DUOXA1: variants seen among roughly 807,000 people sequenced by gnomAD.
DUOXA1 encodes dual oxidase activator 1.
A neutral mutation model predicts 26.6 loss-of-function variants in DUOXA1; 19 were observed. That is an observed-to-expected ratio of 0.71 (90% CI 0.50 to 1.05). The LOEUF (loss-of-function observed/expected upper bound fraction) is 1.05, where lower values mean the gene tolerates loss of function less well. DUOXA1 is among the 50% of genes least tolerant of loss of function. DUOXA1 has a pLI of 0.00. For synonymous variants in DUOXA1, 166 were observed against 177.0 expected (o/e 0.94, Z 0.49); for missense variants, 403 against 427.5 (o/e 0.94, Z 0.51).
intron 3 of DUOXA1, among the ~76,000 whole-genome samples, chr15:45,128,381 T>C (rs1895856798): frequency 6.6e-6 from 1 of 152,186 alleles, no homozygotes; most frequent in South Asian, 2.1e-4. Context: ...CCACTAATTC[T>C]CCACAAGTGG....
In DUOXA1 at chr15:45,123,030, CA is replaced by C. The variant is rs772743108; in HGVS notation, c.-17del. On this transcript the variant is annotated 5_prime_UTR_variant, in exon 4 of 9. Transcript: ENST00000560572. The stretch of plus-strand genomic sequence containing the variant: ...AAGTAGCCATCTTGGTGAGGTGGTG[CA>C]GGGGGGGCAATGCTGTACAACAACA... 5.1e-5 allele frequency: 81 copies of C among 1,602,376 alleles called. No individual in the cohort carries two copies. Among genetic ancestry groups the C allele is most frequent in the Middle Eastern group, 1.7e-4 (1 of 5,938 alleles).
chr15:45,119,999 C>T, intron 8 of DUOXA1, 104 bp downstream of exon 8: 11 of 1,361,324 alleles, frequency 8.1e-6, no homozygotes, highest in Non-Finnish European at 1.1e-5. Flanking sequence ...CAAAGCCATC[C>T]TGGCCTCCAG....
intron 6 of DUOXA1, 101 bp downstream of exon 6, chr15:45,120,986 G>T (rs1566991456): frequency 6.4e-7 from 1 of 1,566,340 alleles, no homozygotes. Context: ...CATCCTCCCA[G>T]CCCCTGTGCC....
intron 8 of DUOXA1, 53 bp from the exon 9 acceptor site, chr15:45,119,418 G>T: frequency 6.5e-7 from 1 of 1,532,796 alleles, no homozygotes; most frequent in South Asian, 1.2e-5. Flanking sequence ...CACCTGCCGA[G>T]GATATCTTCC....
In DUOXA1 at chr15:45,129,231, C is replaced by T. The variant is rs894478576; in HGVS notation, c.-146-97G>A. On this transcript the variant is annotated intron_variant, in intron 2 of 8. Coordinates refer to ENST00000560572, the MANE Select transcript of DUOXA1 (RefSeq NM_001276266.2). This position sits in a 1 kb window ranked among gnomAD's most constrained non-coding sequence, Gnocchi z 4.1. ...AAGGACCCGGCTGTGACCGGACAAA[C>T]CGGGTCTGGGGTGCTTCCAGTCACT... is the stretch of plus-strand genomic sequence containing the variant. 1 of 152,256 alleles carries T rather than the reference C, an allele frequency of 6.6e-6. No homozygotes were observed. Among genetic ancestry groups the T allele is most frequent in the African/African-American group, 2.4e-5 (1 of 41,448 alleles). 9.4% of individuals were successfully genotyped at this position (152,256 alleles called of 1,614,324 possible).
intron 6 of DUOXA1, 130 bp from the exon 7 acceptor site, chr15:45,120,935 G>T (rs1895138193): frequency 6.7e-7 from 1 of 1,502,890 alleles, no homozygotes; most frequent in South Asian, 1.2e-5. Context: ...CCAAGGCCCT[G>T]AATTTCCCTT....
At position 45,122,196 on chromosome 15, in the gene DUOXA1, GC is replaced by G; in HGVS notation, c.193del (p.Ala65LeufsTer6). 1.9e-6 allele frequency: 3 copies of G among 1,603,774 alleles called. No homozygotes were observed. The highest frequency in any genetic ancestry group is 2.6e-6 in the Non-Finnish European group (3 of 1,175,102). On this transcript the variant is annotated frameshift_variant, in exon 5 of 9. Coordinates refer to ENST00000560572, the MANE Select transcript of DUOXA1 (RefSeq NM_001276266.2). LOFTEE classifies it high-confidence loss of function. Reference protein sequence around the residue: ...LRVVTSLFIGAAILAVNFSSE... With the variant: ...LRVVTSLFIGXAILAVNFSSE... Reference sequence around the variant, plus strand: ...CACTTCGCACTCACCCAGGATTGCAGCCCCGATGAATAAGCTGGTCACCACC... The same window carrying G: ...CACTTCGCACTCACCCAGGATTGCAGCCCGATGAATAAGCTGGTCACCACC...
chr15:45,117,937 G>A lies in DUOXA1; in HGVS notation c.*1169C>T, dbSNP rs1486946764. ...GGGACCCAATCTGGACTCCTTCCCC[G>A]CCTTGGGACATCGCAGGCCGGGAAG... On this transcript the variant is annotated 3_prime_UTR_variant, in exon 9 of 9. Coordinates refer to ENST00000560572, the MANE Select transcript of DUOXA1 (RefSeq NM_001276266.2). 1 of 1,613,088 alleles carries A rather than the reference G, an allele frequency of 6.2e-7. No homozygotes were observed. Among genetic ancestry groups the A allele is most frequent in the Non-Finnish European group, 8.5e-7 (1 of 1,179,930 alleles).
In DUOXA1 at chr15:45,118,604, T is replaced by C. The variant is rs1015542458; in HGVS notation, c.*502A>G. On this transcript the variant is annotated 3_prime_UTR_variant, in exon 9 of 9. Transcript: ENST00000560572. ...AATGTTAGACCTAGGATGAGAAGTT[T>C]GGTTTCCCCTCCTTTCCAGTGCTGT... The C allele has an allele frequency of 6.1e-6, 6 of 990,508 alleles. No homozygotes were observed. Among genetic ancestry groups the C allele is most frequent in the Non-Finnish European group, 7.2e-6 (6 of 833,706 alleles). The allele number at this position is 990,508 out of a possible 1,614,324, so 61.4% of individuals were successfully genotyped here.
rs1419609808 is a variant in DUOXA1 at position 45,129,283 on chromosome 15, A to C, written c.-146-149T>G. On this transcript the variant is annotated intron_variant, in intron 2 of 8. Coordinates refer to ENST00000560572, the MANE Select transcript of DUOXA1 (RefSeq NM_001276266.2). This position sits in a 1 kb window ranked among gnomAD's most constrained non-coding sequence, Gnocchi z 4.1. The stretch of plus-strand genomic sequence containing the variant: ...TTCAAGTCACTCCCAAACTTCTCAG[A>C]CTGCACCCGAGGCTCTGCGGCGCCG... 1 of 152,316 alleles carries C rather than the reference A, an allele frequency of 6.6e-6. No homozygotes were observed. The highest frequency in any genetic ancestry group is 1.9e-4 in the East Asian group (1 of 5,170). 9.4% of individuals were successfully genotyped at this position (152,316 alleles called of 1,614,324 possible). A position where few individuals can be genotyped will look rare whatever the true frequency, so the allele number is the denominator to read the frequency against.
chr15:45,119,235 T>A lies in DUOXA1; in HGVS notation c.903A>T (p.Gly301=), dbSNP rs1894909698. The change falls in exon 9 of 9, where the codon GGA becomes GGT. Residue 301 remains glycine, a synonymous_variant. Transcript: ENST00000560572. ...TGGACCGGTAGCGGGGGCTCAGGAGTCCACCTTCCTCAGGACTCCACTCCA... is the reference window on the plus strand; with the variant it reads ...TGGACCGGTAGCGGGGGCTCAGGAGACCACCTTCCTCAGGACTCCACTCCA... The part of the protein sequence containing the change: ...PMLEWSPEEG[G]LLSPRYRSMA... The A allele has an allele frequency of 6.2e-7, 1 of 1,613,694 alleles. No homozygotes were observed. Among genetic ancestry groups the A allele is most frequent in the Non-Finnish European group, 8.5e-7 (1 of 1,179,906 alleles).
intron 3 of DUOXA1, among the ~76,000 whole-genome samples, chr15:45,125,378 T>C (rs1895593262): frequency 6.6e-6 from 1 of 152,160 alleles, no homozygotes; most frequent in African/African-American, 2.4e-5. Context: ...CTGAAATTTT[T>C]CCCACCTTAA....
intron 3 of DUOXA1, among the ~76,000 whole-genome samples, chr15:45,128,519 G>A (rs530449625): frequency 6.6e-6 from 1 of 152,200 alleles, no homozygotes; most frequent in Non-Finnish European, 1.5e-5. Context: ...TAGCTAAGGG[G>A]ACCCTGTCAG....
rs1428865883 is a variant in DUOXA1, at chr15:45,117,477, C to T, written c.*1629G>A. The T allele has an allele frequency of 1.1e-5, 17 of 1,550,082 alleles. No individual in the cohort carries two copies. The highest frequency in any genetic ancestry group is 1.5e-5 in the Non-Finnish European group (17 of 1,145,980). ...CATTTTACAGATGAAAAGTGGGGGGCTCAGAAGGGTTTGGTGTCTTGCCGT... is the reference window on the plus strand; with the variant it reads ...CATTTTACAGATGAAAAGTGGGGGGTTCAGAAGGGTTTGGTGTCTTGCCGT... On this transcript the variant is annotated 3_prime_UTR_variant, in exon 9 of 9. Coordinates refer to ENST00000560572, the MANE Select transcript of DUOXA1 (RefSeq NM_001276266.2).
intron 7 of DUOXA1, 57 bp from the exon 8 acceptor site, chr15:45,120,377 T>C: frequency 1.2e-6 from 2 of 1,604,404 alleles, no homozygotes; most frequent in East Asian, 4.5e-5. Context: ...GCTGGTGAAT[T>C]TGGATGGGCC....
intron 5 of DUOXA1, 60 bp from the exon 6 acceptor site, chr15:45,121,281 A>G (rs1895176949): frequency 6.2e-7 from 1 of 1,610,738 alleles, no homozygotes; most frequent in Non-Finnish European, 8.5e-7. Context: ...ACTAGGTTAG[A>G]GTCAGAAGGA....
chr15:45,121,051 C>G (rs373612786), intron 6 of DUOXA1, 36 bp downstream of exon 6: 11 of 1,613,028 alleles, frequency 6.8e-6, no homozygotes, highest in African/African-American at 5.3e-5. Context: ...GATGGCAGAG[C>G]CTTCCCCCCC....
At chr15:45,121,327 C>CGGGTATCCAGTTA in intron 5 of DUOXA1, 106 bp from the exon 6 acceptor site, 1 of 1,530,396 alleles carries the variant, frequency 6.5e-7, no homozygotes, top group Non-Finnish European at 8.9e-7. Context: ...TTGGTCATAA[C>CGGGTATCCAGTTA]TGGATACCCG....
At chr15:45,122,740 G>T in intron 4 of DUOXA1, 128 bp downstream of exon 4, 1 of 1,162,948 alleles carries the variant, frequency 8.6e-7, no homozygotes, top group East Asian at 2.6e-5. Context: ...TTTCTGCCTG[G>T]GGTCGTGGCT....
Sources: allele counts gnomAD v4.1 joint callset (sites outside exome capture counted in the v4.1 genomes callset), GRCh38; gene constraint gnomAD v4.1.1; non-coding constraint Gnocchi (gnomAD v3.1); transcripts MANE v1.5; gene names NCBI Gene and HGNC (gene_info 2026-07-23, HGNC 2026-07-21).